Variants in PHACTR4 observed in about 807,000 individuals in gnomAD.
The protein encoded by PHACTR4 is protein phosphatase 1, regulatory subunit 124.
A neutral mutation model predicts 72.7 loss-of-function variants in PHACTR4; 51 were observed. The observed-to-expected ratio is 0.70, with a 90% CI of 0.56 to 0.89. PHACTR4 has a LOEUF of 0.89. Among genes scored for constraint, PHACTR4 ranks in the 40% least tolerant of loss-of-function variants. The probability of loss-of-function intolerance (pLI) is 0.00; values close to 1 mark genes in which losing one functional copy is unlikely to be tolerated. For missense variants in PHACTR4, 731 were observed against 861.8 expected (o/e 0.85, Z 1.90); for synonymous variants, 255 against 302.5 (o/e 0.84, Z 1.63).
chr1:28,461,818 C>T (rs1276283626), intron 4 of PHACTR4, among the ~76,000 whole-genome samples: 1 of 151,060 alleles, frequency 6.6e-6, no homozygotes, highest in African/African-American at 2.4e-5. Flanking sequence ...GCGTGAGCTG[C>T]TGTGCCCAGG....
rs57186471 is a variant in PHACTR4, at chr1:28,409,951, A to ATTTTTTTT, written c.16+2515_16+2522dup. On this transcript the variant is annotated intron_variant, in intron 2 of 13. Coordinates refer to ENST00000373839, the MANE Select transcript of PHACTR4 (RefSeq NM_001048183.3). ...GAGGGCAGTCTGTACTTCTTCATAAATTTTTTTTTTTTTTTTTTTTTTTTT... is the reference window on the plus strand; with the variant it reads ...GAGGGCAGTCTGTACTTCTTCATAAATTTTTTTTTTTTTTTTTTTTTTTTTTTTTTTTT... Among the ~76,000 whole-genome samples the ATTTTTTTT allele has an allele frequency of 4.7e-4, 31 of 66,364 alleles. 1 individual carries two copies. The highest frequency in any genetic ancestry group is 1.1e-3 in the East Asian group (2 of 1,842). The allele number at this position is 66,364 out of a possible 152,430, so 43.5% of individuals were successfully genotyped here.
chr1:28,474,109 G>A lies in PHACTR4; in HGVS notation c.1379G>A (p.Gly460Asp). The A allele has an allele frequency of 6.2e-7, 1 of 1,614,020 alleles. No individual in the cohort carries two copies. The highest frequency in any genetic ancestry group is 8.5e-7 in the Non-Finnish European group (1 of 1,179,954). ...TTTTCTGAGGACAGCAGTACGCTGG[G>A]TCGGACCAGGTCTCTTCCCATCACT... Reference protein sequence around the residue: ...DSFSEDSSTLGRTRSLPITIE... With the variant: ...DSFSEDSSTLDRTRSLPITIE... Residue 460 changes from glycine (G) to aspartate (D), a missense_variant, in exon 7 of 14, where the codon GGT becomes GAT. This residue lies in a region of PHACTR4 where 621 missense variants were observed against 676.6 expected (regional missense o/e 0.92). Transcript: ENST00000373839.
In PHACTR4 at chr1:28,474,160, C is replaced by G. The variant is rs764391023; in HGVS notation, c.1421+9C>G. On this transcript the variant is annotated intron_variant, in intron 7 of 13. Coordinates refer to ENST00000373839, the MANE Select transcript of PHACTR4 (RefSeq NM_001048183.3). ...ATTGAAATGCTAAAAGTGTAAGTGC[C>G]TTTAAAGCTTGCCTCTTATTTCTCC... is the stretch of plus-strand genomic sequence containing the variant. 6.3e-7 allele frequency: 1 copy of G among 1,588,134 alleles called. No individual in the cohort carries two copies. Among genetic ancestry groups the G allele is most frequent in the East Asian group, 2.2e-5 (1 of 44,680 alleles).
intron 1 of PHACTR4, among the ~76,000 whole-genome samples, chr1:28,372,659 C>T (rs887435764): frequency 6.6e-6 from 1 of 151,838 alleles, no homozygotes; most frequent in Non-Finnish European, 1.5e-5. Context: ...CGAGATCAGC[C>T]TGGCCAACAT....
Position 28,460,255 on chromosome 1 carries a change from G to A in PHACTR4, c.234G>A (p.Leu78=), listed in dbSNP as rs372961094. 1.5e-5 allele frequency: 24 copies of A among 1,613,644 alleles called. No homozygotes were observed. In the African/African-American group the frequency reaches 3.2e-4, roughly 22 times the overall value. Residue 78 remains leucine, a synonymous_variant, in exon 4 of 14, where the codon CTG becomes CTA. Coordinates refer to ENST00000373839, the MANE Select transcript of PHACTR4 (RefSeq NM_001048183.3). ...CTATGCGAAAGCCAAGAGAAGAGCT[G>A]GTTAAAAGAGGGGTTCTGTTGGAAG... is the stretch of plus-strand genomic sequence containing the variant. ...KISMRKPREE[L]VKRGVLLEDP...
At chr1:28,467,739 A>C (rs1198485164) in intron 6 of PHACTR4, among the ~76,000 whole-genome samples, 1 of 152,196 alleles carries the variant, frequency 6.6e-6, no homozygotes, top group Non-Finnish European at 1.5e-5. Flanking sequence ...TAAGAATGCT[A>C]TTCTTATGTT....
At chr1:28,392,343 G>A (rs923048027) in intron 1 of PHACTR4, among the ~76,000 whole-genome samples, 1 of 151,784 alleles carries the variant, frequency 6.6e-6, no homozygotes, top group Non-Finnish European at 1.5e-5. Context: ...ACTTAATAAT[G>A]GCCCCAAAGT....
intron 2 of PHACTR4, among the ~76,000 whole-genome samples, chr1:28,446,104 C>A (rs947560378): frequency 6.6e-6 from 1 of 152,080 alleles, no homozygotes; most frequent in African/African-American, 2.4e-5. Flanking sequence ...ATTTCTCATA[C>A]CTGTCTGCTG....
intron 1 of PHACTR4, among the ~76,000 whole-genome samples, chr1:28,391,384 G>A (rs1653016405): frequency 6.6e-6 from 1 of 150,724 alleles, no homozygotes; most frequent in African/African-American, 2.4e-5. Flanking sequence ...GGGCTACAGA[G>A]GGAGATTCTG....
chr1:28,370,450 G>A (rs948285676), intron 1 of PHACTR4, among the ~76,000 whole-genome samples: 6 of 152,078 alleles, frequency 3.9e-5, no homozygotes, highest in African/African-American at 1.2e-4. Context: ...TCTACACCCC[G>A]GCTCCGGGAA....
At chr1:28,477,149 G>A (rs902324082) in intron 8 of PHACTR4, among the ~76,000 whole-genome samples, 2 of 146,326 alleles carry the variant, frequency 1.4e-5, no homozygotes, top group African/African-American at 2.5e-5. Flanking sequence ...GCAGGGGCAC[G>A]ATCTCAACTC....
rs1659139629 is a variant in PHACTR4, at chr1:28,466,014, CT to C, written c.436+169del. ...AAGGGGAATTTCCTCCCCCACCCCG[CT>C]TTTATTCACTAAATACCTAAATTTG... On this transcript the variant is annotated intron_variant, in intron 5 of 13. Coordinates refer to ENST00000373839, the MANE Select transcript of PHACTR4 (RefSeq NM_001048183.3). Among the ~76,000 whole-genome samples, 4 of 152,302 alleles carry C rather than the reference CT, an allele frequency of 2.6e-5. No individual in the cohort carries two copies. In the South Asian group the frequency reaches 8.3e-4, roughly 32 times the overall value.
At chr1:28,371,282 A>T (rs1288521742) in intron 1 of PHACTR4, among the ~76,000 whole-genome samples, 2 of 151,874 alleles carry the variant, frequency 1.3e-5, no homozygotes, top group Non-Finnish European at 2.9e-5. Flanking sequence ...CCGACTATTT[A>T]ATTTAATTTA....
At chr1:28,490,617 G>A (rs930219349) in intron 10 of PHACTR4, among the ~76,000 whole-genome samples, 17 of 151,542 alleles carry the variant, frequency 1.1e-4, no homozygotes, top group Admixed American at 7.2e-4. Context: ...AGGCCGAGGC[G>A]GGTGGATCAC....
chr1:28,465,690 G>T lies in PHACTR4; in HGVS notation c.277G>T (p.Glu93Ter). 6.2e-7 allele frequency: 1 copy of T among 1,612,592 alleles called. No individual in the cohort carries two copies. Among genetic ancestry groups the T allele is most frequent in the Non-Finnish European group, 8.5e-7 (1 of 1,179,502 alleles). Residue 93 changes from glutamate (E) to a stop codon, truncating the protein, a stop_gained, in exon 5 of 14, where the codon GAG becomes TAG. Coordinates refer to ENST00000373839, the MANE Select transcript of PHACTR4 (RefSeq NM_001048183.3). LOFTEE classifies it high-confidence loss of function. Reference sequence around the variant, plus strand: ...ACTCTTCTTTCACCTTGCAGGTGGTGAGGATCCAGGAAAGCCAAGCGATGC... The same window carrying T: ...ACTCTTCTTTCACCTTGCAGGTGGTTAGGATCCAGGAAAGCCAAGCGATGC... ...VLLEDPEQGG[E>*]DPGKPSDAML...
chr1:28,424,584 G>A (rs1655714128), intron 2 of PHACTR4, among the ~76,000 whole-genome samples: 2 of 152,092 alleles, frequency 1.3e-5, no homozygotes, highest in Admixed American at 1.3e-4. Context: ...CGCCTCCTGG[G>A]TTCAAGCGAT....
At chr1:28,480,776 C>CCT (rs1660232272) in intron 9 of PHACTR4, among the ~76,000 whole-genome samples, 172 bp downstream of exon 9, 2 of 152,036 alleles carry the variant, frequency 1.3e-5, no homozygotes, top group African/African-American at 4.8e-5. Context: ...GTAACCTCCA[C>CCT]CTCCCAGGTT....
At chr1:28,459,986 T>C (rs1173115511) in intron 3 of PHACTR4, among the ~76,000 whole-genome samples, 1 of 152,198 alleles carries the variant, frequency 6.6e-6, no homozygotes, top group Non-Finnish European at 1.5e-5. Flanking sequence ...TTCTCTTAAG[T>C]TACAATTATG....
intron 9 of PHACTR4, among the ~76,000 whole-genome samples, chr1:28,487,236 C>T (rs11804157): frequency 0.095 from 14,330 of 151,518 alleles, 1,514 homozygotes; most frequent in African/African-American, 0.26. Flanking sequence ...CATGGTGGCA[C>T]GCGCCTATAG....
Sources: gnomAD v4.1 joint callset for allele counts (sites outside exome capture counted in the v4.1 genomes callset) on GRCh38, gnomAD v4.1.1 for gene constraint, gnomAD v4.1.1 regional missense constraint, MANE v1.5 for transcripts, NCBI Gene and HGNC (gene_info 2026-07-23, HGNC 2026-07-21) for gene names.